Variants in PLPPR1 observed in about 807,000 individuals in gnomAD.
The protein encoded by PLPPR1 is phospholipid phosphatase related 1.
PLPPR1 carries 10 observed loss-of-function variants against 33.1 expected under a neutral mutation model. The ratio of observed to expected loss-of-function variants is 0.30; its 90% CI spans 0.19 to 0.51. The LOEUF is 0.51. PLPPR1 is among the 20% of genes least tolerant of loss of function. PLPPR1 has a pLI of 0.97. For synonymous variants in PLPPR1, 151 were observed against 151.0 expected (o/e 1.00, Z 0.00); for missense variants, 304 against 408.1 (o/e 0.74, Z 2.20).
At chr9:101,029,630 G>A (rs1829916798) in intron 1 of PLPPR1, among the ~76,000 whole-genome samples, 1 of 152,196 alleles carries the variant, frequency 6.6e-6, no homozygotes, top group Admixed American at 6.5e-5. Flanking sequence ...GGCGCATAGT[G>A]GGGTGTGTGT....
chr9:101,292,391 C>A (rs1228646275), intron 4 of PLPPR1, among the ~76,000 whole-genome samples: 1 of 152,158 alleles, frequency 6.6e-6, no homozygotes, highest in Admixed American at 6.6e-5. Context: ...AGGAGAACTT[C>A]CCCAATCTAG....
At chr9:101,072,568 T>A (rs1404908622) in intron 1 of PLPPR1, among the ~76,000 whole-genome samples, 2 of 152,030 alleles carry the variant, frequency 1.3e-5, no homozygotes, top group African/African-American at 4.8e-5. Context: ...AGAGAAAGAT[T>A]AACTGAGGGA....
At chr9:101,087,995 A>G (rs1451148331) in intron 1 of PLPPR1, among the ~76,000 whole-genome samples, 1 of 152,188 alleles carries the variant, frequency 6.6e-6, no homozygotes, top group Non-Finnish European at 1.5e-5. Flanking sequence ...TACATGGTAG[A>G]GAGTTTGTCA....
chr9:101,055,694 G>C (rs545349796), intron 1 of PLPPR1, among the ~76,000 whole-genome samples: 53 of 152,196 alleles, frequency 3.5e-4, no homozygotes, highest in African/African-American at 1.3e-3. Flanking sequence ...CAATTTGATG[G>C]GTCTTTCCCC....
chr9:101,180,141 TATACACACAC>T (rs1826081555), intron 1 of PLPPR1, among the ~76,000 whole-genome samples: 22 of 28,914 alleles, frequency 7.6e-4, no homozygotes, highest in African/African-American at 3.8e-3. Flanking sequence ...TATATATATA[TATACACACAC>T]ACACACACAC....
chr9:101,088,626 T>C (rs1324765861), intron 1 of PLPPR1, among the ~76,000 whole-genome samples: 1 of 152,196 alleles, frequency 6.6e-6, no homozygotes, highest in Non-Finnish European at 1.5e-5. Context: ...TCATGATAGC[T>C]ATATCAGAAC....
intron 1 of PLPPR1, among the ~76,000 whole-genome samples, chr9:101,090,572 C>T (rs1388595469): frequency 6.6e-6 from 1 of 152,148 alleles, no homozygotes; most frequent in Non-Finnish European, 1.5e-5. Context: ...CCTCCTTCCA[C>T]CTGAGTTCAG....
At chr9:101,240,409 A>ACTGTTTTTTTTTTTTTTTTTTTTTT (rs1564012614) in intron 2 of PLPPR1, among the ~76,000 whole-genome samples, 15 of 151,774 alleles carry the variant, frequency 9.9e-5, no homozygotes, top group African/African-American at 3.6e-4. Context: ...AAATTTTAGA[A>ACTGTTTTTTTTTTTTTTTTTTTTTT]TTGTTTTTTT....
At chr9:101,315,865 T>C (rs183042930) in intron 6 of PLPPR1, among the ~76,000 whole-genome samples, 2 of 152,274 alleles carry the variant, frequency 1.3e-5, no homozygotes, top group Non-Finnish European at 2.9e-5. Context: ...AAATGTTCAA[T>C]AGTGCTTTAT....
chr9:101,262,398 C>A (rs1827916391), intron 2 of PLPPR1, among the ~76,000 whole-genome samples: 1 of 152,150 alleles, frequency 6.6e-6, no homozygotes, highest in South Asian at 2.1e-4. Flanking sequence ...TAATGCCTAC[C>A]TCTTCCATTC....
chr9:101,183,873 G>A (rs1334618418), intron 1 of PLPPR1, among the ~76,000 whole-genome samples: 1 of 151,638 alleles, frequency 6.6e-6, no homozygotes, highest in East Asian at 1.9e-4. Context: ...AAAACACTAG[G>A]TGTTTGATGC....
chr9:101,218,937 G>A (rs1160000982), intron 2 of PLPPR1, among the ~76,000 whole-genome samples: 5 of 152,140 alleles, frequency 3.3e-5, no homozygotes, highest in African/African-American at 9.7e-5. Context: ...GGTAATGAGC[G>A]GTGATAATTA....
intron 1 of PLPPR1, among the ~76,000 whole-genome samples, chr9:101,150,871 T>C (rs1164934141): frequency 2.6e-5 from 4 of 152,112 alleles, no homozygotes; most frequent in African/African-American, 7.2e-5. Flanking sequence ...CATTTCAACA[T>C]GCCTTTAAGG....
In PLPPR1 at chr9:101,294,646, G is replaced by A. The variant is rs374518587; in HGVS notation, c.385+8410G>A. ...ATCCCTGGGATGCAAGGCTGGTTCA[G>A]TATACACAAATCAATAAATGTAATC... is the stretch of plus-strand genomic sequence containing the variant. On this transcript the variant is annotated intron_variant, in intron 4 of 7. Coordinates refer to ENST00000374874, the MANE Select transcript of PLPPR1 (RefSeq NM_207299.2). Among the ~76,000 whole-genome samples the A allele has an allele frequency of 5.3e-4, 80 of 152,174 alleles. No individual in the cohort carries two copies. The South Asian group carries it at 7.9e-3, about 15-fold the overall frequency.
intron 1 of PLPPR1, among the ~76,000 whole-genome samples, chr9:101,102,326 T>C (rs1454138516): frequency 9.8e-6 from 1 of 102,386 alleles, no homozygotes; most frequent in Non-Finnish European, 1.9e-5. Flanking sequence ...CCCCAGAGTG[T>C]GATATTCCCC....
chr9:101,235,397 A>G (rs12338159), intron 2 of PLPPR1, among the ~76,000 whole-genome samples: 50,460 of 151,276 alleles, frequency 0.33, 8,355 homozygotes, highest in Admixed American at 0.38. Flanking sequence ...ATGCAAATTC[A>G]GCTTTCTTCT....
At chr9:101,099,363 T>C (rs143118054) in intron 1 of PLPPR1, among the ~76,000 whole-genome samples, 2 of 152,278 alleles carry the variant, frequency 1.3e-5, no homozygotes, top group East Asian at 1.9e-4. Flanking sequence ...GTCCTAAATA[T>C]TGACTAGGAA....
chr9:101,204,741 A>G (rs911587035), intron 2 of PLPPR1, among the ~76,000 whole-genome samples: 2 of 151,366 alleles, frequency 1.3e-5, no homozygotes, highest in Admixed American at 6.7e-5. Flanking sequence ...ATGAGATCCC[A>G]AAAGACCTGC....
At position 101,312,795 on chromosome 9, in the gene PLPPR1, C is replaced by T. The variant is rs779285408; in HGVS notation, c.637-3C>T. On this transcript the variant is annotated splice_region_variant and splice_polypyrimidine_tract_variant and intron_variant, in intron 5 of 7. Coordinates refer to ENST00000374874, the MANE Select transcript of PLPPR1 (RefSeq NM_207299.2). ...TCACTCCCTGGCCTCTGTCCTATTC[C>T]AGATGTATATTACAAGCACAATCAA... 7.4e-6 allele frequency: 12 copies of T among 1,613,666 alleles called. No individual in the cohort carries two copies. The South Asian group carries it at 1.1e-4, about 15-fold the overall frequency.
Sources: allele counts gnomAD v4.1 joint callset (sites outside exome capture counted in the v4.1 genomes callset), GRCh38; gene constraint gnomAD v4.1.1; transcripts MANE v1.5; gene names NCBI Gene and HGNC (gene_info 2026-07-23, HGNC 2026-07-21).